The following ITGB3BP variants were observed in gnomAD, a reference collection of about 807,000 sequenced individuals.
The protein encoded by ITGB3BP is integrin subunit beta 3 binding protein, also known as centromere protein R.
A neutral mutation model predicts 29.1 loss-of-function variants in ITGB3BP; 27 were observed. That is an observed-to-expected ratio of 0.93 (90% confidence interval 0.68 to 1.28). ITGB3BP has a LOEUF of 1.28. Ranked by LOEUF, ITGB3BP falls within the 50% of genes most tolerant of loss-of-function variation. ITGB3BP has a pLI of 0.00. For synonymous variants in ITGB3BP, 61 were observed against 61.4 expected (o/e 0.99, Z 0.03); for missense variants, 192 against 200.2 (o/e 0.96, Z 0.25).
At position 63,471,205 on chromosome 1, in the gene ITGB3BP, AT is replaced by A. The variant is rs1645190074; in HGVS notation, c.254+7558del. On this transcript the variant is annotated intron_variant, in intron 4 of 8. Coordinates refer to ENST00000271002, the MANE Select transcript of ITGB3BP (RefSeq NM_014288.5). ...ACTTTTAAAGCTGTTTAATTTATCCATTTTTTCCCCTTTTATTGTTGGCATT... is the reference window on the plus strand; with the variant it reads ...ACTTTTAAAGCTGTTTAATTTATCCATTTTTCCCCTTTTATTGTTGGCATT... 8.0e-4 allele frequency among the ~76,000 whole-genome samples: 16 copies of A among 19,988 alleles called. 1 individual carries two copies. The South Asian group carries it at 0.17, about 217-fold the overall frequency. 13.1% of individuals were successfully genotyped at this position (19,988 alleles called of 152,430 possible). A position where few individuals can be genotyped will look rare whatever the true frequency, so the allele number is the denominator to read the frequency against.
rs765720895 is a variant in ITGB3BP at position 63,454,462 on chromosome 1, G to C, written c.345C>G (p.Gly115=). Residue 115 remains glycine, a synonymous_variant, in exon 6 of 9, where the codon GGC becomes GGG. Transcript: ENST00000271002. The surrounding 1 kb of genome is among the most constrained non-coding windows in gnomAD (Gnocchi z 4.1). ...CAATGAGATTTTCAAGCTCTCTACT[G>C]CCCTCCAAAGCCTACAAGAAAGTCA... ...QNLSSIQALE[G]SRELENLIGI... is the part of the protein sequence containing the mutation. The C allele has an allele frequency of 1.3e-6, 2 of 1,577,808 alleles. No individual in the cohort carries two copies. The highest frequency in any genetic ancestry group is 2.3e-5 in the East Asian group (1 of 44,106).
At chr1:63,465,587 A>C (rs1472077484) in intron 4 of ITGB3BP, among the ~76,000 whole-genome samples, 3 of 151,794 alleles carry the variant, frequency 2.0e-5, no homozygotes, top group Middle Eastern at 3.2e-3. Flanking sequence ...TAGAGATGGG[A>C]TCTCCCTATG....
intron 2 of ITGB3BP, among the ~76,000 whole-genome samples, chr1:63,501,372 A>G (rs903757574): frequency 3.3e-5 from 5 of 152,170 alleles, no homozygotes; most frequent in African/African-American, 1.2e-4. Flanking sequence ...GCCAGACACA[A>G]AATTATGAGA....
intron 8 of ITGB3BP, chr1:63,446,589 A>G: frequency 1.9e-6 from 1 of 523,158 alleles, no homozygotes; most frequent in Non-Finnish European, 3.5e-6. Context: ...CGTCAGCTCA[A>G]CAGTTCTTTC....
chr1:63,488,115 A>G (rs751675416), intron 3 of ITGB3BP, among the ~76,000 whole-genome samples: 1 of 152,118 alleles, frequency 6.6e-6, no homozygotes, highest in Non-Finnish European at 1.5e-5. Context: ...TATAACTACA[A>G]ATGGATTTAA....
At chr1:63,475,007 C>T (rs1284817620) in intron 4 of ITGB3BP, among the ~76,000 whole-genome samples, 2 of 152,168 alleles carry the variant, frequency 1.3e-5, no homozygotes, top group African/African-American at 4.8e-5. Context: ...TGAGGTCTCA[C>T]CCGGTCGCTT....
chr1:63,494,627 C>T (rs762021830), intron 2 of ITGB3BP, among the ~76,000 whole-genome samples: 65 of 151,980 alleles, frequency 4.3e-4, no homozygotes, highest in Non-Finnish European at 7.5e-4. Flanking sequence ...ATTATACACT[C>T]GAGATCTTTG....
intron 7 of ITGB3BP, among the ~76,000 whole-genome samples, chr1:63,448,207 A>G (rs1644814020): frequency 6.9e-6 from 1 of 144,786 alleles, no homozygotes; most frequent in Admixed American, 6.8e-5. Context: ...GAGGGATAGC[A>G]TTAGGAGATA....
At chr1:63,512,523 C>T (rs1056284576) in intron 1 of ITGB3BP, among the ~76,000 whole-genome samples, 2 of 151,966 alleles carry the variant, frequency 1.3e-5, no homozygotes, top group African/African-American at 4.8e-5. Flanking sequence ...AGTTTAAATA[C>T]AATTTTGAAT....
At chr1:63,484,433 A>T (rs1645491881) in intron 3 of ITGB3BP, among the ~76,000 whole-genome samples, 5 of 151,990 alleles carry the variant, frequency 3.3e-5, no homozygotes. Context: ...TTTTCCTCTA[A>T]GTGCTGACAT....
At chr1:63,509,972 C>A (rs1646162249) in intron 1 of ITGB3BP, 2 of 415,552 alleles carry the variant, frequency 4.8e-6, no homozygotes, top group Non-Finnish European at 8.6e-6. Context: ...GTGGGTGGAT[C>A]ACCTGACGTC....
chr1:63,467,531 T>G (rs1645119314), intron 4 of ITGB3BP, among the ~76,000 whole-genome samples: 1 of 151,396 alleles, frequency 6.6e-6, no homozygotes, highest in South Asian at 2.1e-4. Context: ...GCTGATTGAT[T>G]GATTGATTGA....
chr1:63,506,358 T>C (rs1281307406), intron 2 of ITGB3BP, among the ~76,000 whole-genome samples: 1 of 152,150 alleles, frequency 6.6e-6, no homozygotes, highest in Non-Finnish European at 1.5e-5. Flanking sequence ...AGGCACTTCT[T>C]AATTGGCAGT....
At chr1:63,462,606 T>A (rs1047347951) in intron 4 of ITGB3BP, among the ~76,000 whole-genome samples, 8 of 152,222 alleles carry the variant, frequency 5.3e-5, no homozygotes, top group Admixed American at 5.2e-4. Context: ...TTGAAAATAA[T>A]TCTCTTTTTA....
At chr1:63,483,389 C>T (rs1645473624) in intron 3 of ITGB3BP, among the ~76,000 whole-genome samples, 2 of 152,038 alleles carry the variant, frequency 1.3e-5, no homozygotes, top group Admixed American at 1.3e-4. Context: ...TTGCTCATCA[C>T]AGGTTTAAGG....
chr1:63,522,555 C>T (rs1403458482), intron 1 of ITGB3BP, among the ~76,000 whole-genome samples: 3 of 152,146 alleles, frequency 2.0e-5, no homozygotes, highest in African/African-American at 7.2e-5. Flanking sequence ...AGCACAATGC[C>T]TATTCCCACT....
chr1:63,447,507 T>C (rs1186486992), intron 7 of ITGB3BP: 1 of 456,064 alleles, frequency 2.2e-6, no homozygotes, highest in African/African-American at 2.0e-5. Context: ...ACATGATACA[T>C]TTAAAATATT....
At chr1:63,483,295 T>G (rs943349107) in intron 3 of ITGB3BP, among the ~76,000 whole-genome samples, 1 of 152,192 alleles carries the variant, frequency 6.6e-6, no homozygotes, top group African/African-American at 2.4e-5. Flanking sequence ...AGATTAATAT[T>G]ATTGATCTAC....
At chr1:63,446,328 G>A (rs938784537) in intron 8 of ITGB3BP, among the ~76,000 whole-genome samples, 10 of 152,078 alleles carry the variant, frequency 6.6e-5, no homozygotes, top group African/African-American at 2.4e-4. Context: ...TTGTATTGCT[G>A]AATCAATAGG....
Sources: gnomAD v4.1 joint callset for allele counts (sites outside exome capture counted in the v4.1 genomes callset) on GRCh38, gnomAD v4.1.1 for gene constraint, Gnocchi (gnomAD v3.1) non-coding constraint, MANE v1.5 for transcripts, NCBI Gene and HGNC (gene_info 2026-07-23, HGNC 2026-07-21) for gene names.